The following BNC2 variants were observed in gnomAD, a reference collection of about 807,000 sequenced individuals.
The protein encoded by BNC2 is zinc finger protein basonuclin-2.
Under a neutral mutation model 76.3 loss-of-function variants are expected in BNC2, and 20 were observed. That is an observed-to-expected ratio of 0.26 (90% CI 0.18 to 0.38). The LOEUF is 0.38. BNC2 is among the 10% of genes least tolerant of loss of function. BNC2 has a pLI of 1.00. For missense variants in BNC2, 1,382 were observed against 1,399.8 expected (o/e 0.99, Z 0.20); for synonymous variants, 582 against 514.8 (o/e 1.13, Z -1.77).
At chr9:16,665,229 G>A in intron 3 of BNC2, 1 of 375,802 alleles carries the variant, frequency 2.7e-6, no homozygotes, top group Non-Finnish European at 5.2e-6. Context: ...AATTAGCCAG[G>A]CATGGTGGTG....
intron 1 of BNC2, among the ~76,000 whole-genome samples, chr9:16,747,221 G>A (rs1335859177): frequency 6.6e-6 from 1 of 152,126 alleles, no homozygotes; most frequent in African/African-American, 2.4e-5. Context: ...CGCTTCTAGA[G>A]ATTTGAGAAA....
In BNC2 at chr9:16,500,255, G is replaced by A. The variant is rs1033464203; in HGVS notation, c.669+52275C>T. ...ACTCAAGTCTGATGTGTCTCATTAAGCCTGCTCCAGTTTTTAGTAACCTTG... is the reference window on the plus strand; with the variant it reads ...ACTCAAGTCTGATGTGTCTCATTAAACCTGCTCCAGTTTTTAGTAACCTTG... On this transcript the variant is annotated intron_variant, in intron 5 of 6. Coordinates refer to ENST00000380672, the MANE Select transcript of BNC2 (RefSeq NM_017637.6). 5.3e-5 allele frequency among the ~76,000 whole-genome samples: 8 copies of A among 152,036 alleles called. No individual in the cohort carries two copies. In the East Asian group the frequency reaches 1.5e-3, roughly 29 times the overall value.
intron 5 of BNC2, among the ~76,000 whole-genome samples, chr9:16,507,250 CTTTTT>C (rs36072200): frequency 1.2e-5 from 1 of 83,168 alleles, no homozygotes; most frequent in Non-Finnish European, 2.1e-5. Flanking sequence ...TGTCCATTTG[CTTTTT>C]TTTTTTTTTT....
At chr9:16,635,988 G>A (rs903513074) in intron 3 of BNC2, among the ~76,000 whole-genome samples, 6 of 151,878 alleles carry the variant, frequency 4.0e-5, no homozygotes, top group African/African-American at 1.4e-4. Flanking sequence ...TGGTTTGTTT[G>A]TTTTATTAAT....
chr9:16,668,861 T>A (rs1252065081), intron 3 of BNC2, among the ~76,000 whole-genome samples: 1 of 152,174 alleles, frequency 6.6e-6, no homozygotes, highest in Non-Finnish European at 1.5e-5. Flanking sequence ...ATTATTATAA[T>A]TCAGAGCACG....
chr9:16,424,196 A>G (rs1391379685), intron 6 of BNC2, among the ~76,000 whole-genome samples: 1 of 152,106 alleles, frequency 6.6e-6, no homozygotes, highest in Non-Finnish European at 1.5e-5. Flanking sequence ...ACTAAAAACA[A>G]AAACACTATC....
At chr9:16,712,698 C>T (rs574331399) in intron 3 of BNC2, among the ~76,000 whole-genome samples, 22 of 152,302 alleles carry the variant, frequency 1.4e-4, no homozygotes, top group African/African-American at 5.3e-4. Context: ...TGAAAATACA[C>T]TTGAGACAGC....
intron 3 of BNC2, among the ~76,000 whole-genome samples, chr9:16,603,660 A>G (rs1032546633): frequency 6.6e-6 from 1 of 152,208 alleles, no homozygotes; most frequent in Non-Finnish European, 1.5e-5. Flanking sequence ...AAAACTAAAA[A>G]GGAGGTTGCA....
chr9:16,435,546 T>C lies in BNC2; in HGVS notation c.2639+9A>G, dbSNP rs773920007. The stretch of plus-strand genomic sequence containing the variant: ...CCCCAGCAGGAGCAGCCAATGGAGA[T>C]TTACTGACCTGTCTCGGCTTCGGCG... On this transcript the variant is annotated intron_variant, in intron 6 of 6. Transcript: ENST00000380672. The C allele has an allele frequency of 8.1e-6, 13 of 1,613,310 alleles. No homozygotes were observed. Among genetic ancestry groups the C allele is most frequent in the Non-Finnish European group, 1.1e-5 (13 of 1,179,990 alleles).
rs930441176 is a variant in BNC2 at position 16,416,068 on chromosome 9, T to C, written c.*2921A>G. 3.9e-5 allele frequency: 6 copies of C among 152,320 alleles called. No individual in the cohort carries two copies. In the South Asian group the frequency reaches 1.2e-3, roughly 32 times the overall value. The allele number at this position is 152,320 out of a possible 1,614,324, so 9.4% of individuals were successfully genotyped here. ...TGCAGCAAGTAACAAACATTTGTTC[T>C]AAGCCTGGTGCATTTGCTGATGTGA... On this transcript the variant is annotated 3_prime_UTR_variant, in exon 7 of 7. Transcript: ENST00000380672.
intron 5 of BNC2, among the ~76,000 whole-genome samples, chr9:16,481,000 A>G (rs1822041306): frequency 6.6e-6 from 1 of 152,158 alleles, no homozygotes; most frequent in Non-Finnish European, 1.5e-5. Context: ...AAGAACCTTT[A>G]TGTCTAGCTC....
intron 1 of BNC2, among the ~76,000 whole-genome samples, chr9:16,784,635 C>G (rs530870412): frequency 6.6e-6 from 1 of 152,288 alleles, no homozygotes; most frequent in African/African-American, 2.4e-5. Flanking sequence ...AGTTTTGGGG[C>G]TGAGCACTGG....
intron 5 of BNC2, among the ~76,000 whole-genome samples, chr9:16,469,056 G>A (rs1469069443): frequency 2.2e-4 from 34 of 152,124 alleles, no homozygotes; most frequent in Non-Finnish European, 2.4e-4. Context: ...TATGTGCTAT[G>A]GAACATTATA....
At chr9:16,540,163 T>TC (rs1234102028) in intron 5 of BNC2, among the ~76,000 whole-genome samples, 2 of 149,978 alleles carry the variant, frequency 1.3e-5, no homozygotes, top group African/African-American at 4.9e-5. Context: ...GTGATTTTTT[T>TC]TTTTTTTTTT....
intron 5 of BNC2, among the ~76,000 whole-genome samples, chr9:16,505,499 C>A (rs1362163429): frequency 6.6e-6 from 1 of 152,122 alleles, no homozygotes; most frequent in Non-Finnish European, 1.5e-5. Context: ...TGTCTTAACT[C>A]TTGGGATTCA....
chr9:16,740,715 A>G (rs921327873), intron 1 of BNC2, among the ~76,000 whole-genome samples: 7 of 152,182 alleles, frequency 4.6e-5, no homozygotes, highest in Non-Finnish European at 1.5e-5. Context: ...GAAAAAAGAG[A>G]CTATCACAGG....
At chr9:16,633,073 T>C (rs1252973228) in intron 3 of BNC2, among the ~76,000 whole-genome samples, 1 of 152,198 alleles carries the variant, frequency 6.6e-6, no homozygotes. Context: ...ACAATGTGGT[T>C]TTAATTGGAG....
chr9:16,666,541 A>G (rs78519954), intron 3 of BNC2, among the ~76,000 whole-genome samples: 2,673 of 152,328 alleles, frequency 0.018, 81 homozygotes, highest in African/African-American at 0.059. Flanking sequence ...AATGCAACTG[A>G]CAACACAGTA....
chr9:16,706,020 T>A (rs1004034278), intron 3 of BNC2, among the ~76,000 whole-genome samples: 1 of 152,214 alleles, frequency 6.6e-6, no homozygotes. Flanking sequence ...GCAACATAAC[T>A]GACAAGCAAC....
Sources: allele counts gnomAD v4.1 joint callset (sites outside exome capture counted in the v4.1 genomes callset), GRCh38; gene constraint gnomAD v4.1.1; transcripts MANE v1.5; gene names NCBI Gene and HGNC (gene_info 2026-07-23, HGNC 2026-07-21).